Variants in PGCKA1 observed in about 807,000 individuals in gnomAD.
PGCKA1 encodes PDCD10 and GCKIII kinases-associated protein 1.
chr4:37,579,985 T>A, the PGCKA1 span, among the ~76,000 whole-genome samples: 1 of 152,324 alleles, frequency 6.6e-6, no homozygotes, highest in South Asian at 2.1e-4. Flanking sequence ...TTCTGTGTCC[T>A]CTGAATATAT....
At chr4:37,528,243 A>G in the PGCKA1 span, among the ~76,000 whole-genome samples, 1 of 152,206 alleles carries the variant, frequency 6.6e-6, no homozygotes, top group Non-Finnish European at 1.5e-5. Flanking sequence ...GCTTTGACTC[A>G]GGGATTTTGT....
chr4:37,548,332 A>G, the PGCKA1 span, among the ~76,000 whole-genome samples: 1 of 152,176 alleles, frequency 6.6e-6, no homozygotes, highest in Non-Finnish European at 1.5e-5. Context: ...GTGGATTTTT[A>G]CCTACATTAA....
the PGCKA1 span, among the ~76,000 whole-genome samples, chr4:37,575,877 C>CT: frequency 1.4e-4 from 22 of 152,058 alleles, no homozygotes; most frequent in Non-Finnish European, 7.4e-5. Context: ...AGTGTATGTT[C>CT]TTGGTTCCTT....
the PGCKA1 span, among the ~76,000 whole-genome samples, chr4:37,570,958 A>G: frequency 6.6e-6 from 1 of 152,296 alleles, no homozygotes; most frequent in African/African-American, 2.4e-5. Context: ...ATGAGATTTG[A>G]TTGTGGAAAA....
At chr4:37,465,136 T>C in the PGCKA1 span, among the ~76,000 whole-genome samples, 1 of 152,216 alleles carries the variant, frequency 6.6e-6, no homozygotes, top group Non-Finnish European at 1.5e-5. Context: ...TATTCTCCAT[T>C]CTTCATTTTG....
chr4:37,490,799 C>T, the PGCKA1 span, among the ~76,000 whole-genome samples: 17 of 152,258 alleles, frequency 1.1e-4, no homozygotes, highest in African/African-American at 3.8e-4. Context: ...TCAGGGGACT[C>T]TACTCCCAGT....
the PGCKA1 span, among the ~76,000 whole-genome samples, chr4:37,568,708 G>A: frequency 8.5e-5 from 13 of 152,324 alleles, no homozygotes; most frequent in African/African-American, 1.4e-4. Context: ...CGTGCAGCAC[G>A]GAAGTACTGA....
At chr4:37,578,646 C>T in the PGCKA1 span, among the ~76,000 whole-genome samples, 1 of 151,920 alleles carries the variant, frequency 6.6e-6, no homozygotes, top group Non-Finnish European at 1.5e-5. Flanking sequence ...TTCTGTCTTC[C>T]TTCTAATGTA....
At chr4:37,558,406 C>CCTCAGAA in the PGCKA1 span, among the ~76,000 whole-genome samples, 2 of 152,132 alleles carry the variant, frequency 1.3e-5, no homozygotes, top group Non-Finnish European at 2.9e-5. Context: ...AATGTCCATG[C>CCTCAGAA]CTCAGAACAG....
chr4:37,552,583 A>C, the PGCKA1 span, among the ~76,000 whole-genome samples: 8 of 152,254 alleles, frequency 5.3e-5, no homozygotes, highest in African/African-American at 1.7e-4. Flanking sequence ...AACCAGGGGC[A>C]GTAGAAATTA....
the PGCKA1 span, among the ~76,000 whole-genome samples, chr4:37,513,542 C>T: frequency 6.6e-6 from 1 of 152,186 alleles, no homozygotes; most frequent in Admixed American, 6.5e-5. Context: ...TGGGGCCCCA[C>T]CCTTATAACC....
chr4:37,549,073 G>A, the PGCKA1 span, among the ~76,000 whole-genome samples: 5 of 152,156 alleles, frequency 3.3e-5, no homozygotes, highest in African/African-American at 1.2e-4. Flanking sequence ...CAGACCCGAG[G>A]GCCATCCAGC....
At chr4:37,485,845 TAGC>T in the PGCKA1 span, among the ~76,000 whole-genome samples, 1 of 152,134 alleles carries the variant, frequency 6.6e-6, no homozygotes, top group African/African-American at 2.4e-5. Flanking sequence ...CCTGTCCTAA[TAGC>T]AGGACAGGGA....
At chr4:37,537,362 T>C in the PGCKA1 span, among the ~76,000 whole-genome samples, 1 of 152,204 alleles carries the variant, frequency 6.6e-6, no homozygotes, top group Non-Finnish European at 1.5e-5. Context: ...GTGCTTGTGT[T>C]TGAGGCTGTC....
chr4:37,564,309 T>C, the PGCKA1 span, among the ~76,000 whole-genome samples: 2 of 149,272 alleles, frequency 1.3e-5, no homozygotes, highest in Non-Finnish European at 3.0e-5. Context: ...AAAAACCGAA[T>C]ATTCTCGCAG....
chr4:37,456,985 A>C, the PGCKA1 span, among the ~76,000 whole-genome samples: 1 of 152,238 alleles, frequency 6.6e-6, no homozygotes, highest in Non-Finnish European at 1.5e-5. Flanking sequence ...TCATTTCAAA[A>C]TACATTTTCT....
At chr4:37,477,330 A>G in the PGCKA1 span, among the ~76,000 whole-genome samples, 5,095 of 152,290 alleles carry the variant, frequency 0.033, 306 homozygotes, top group African/African-American at 0.12. Flanking sequence ...ATTTATATGC[A>G]AGGTCAAGAT....
the PGCKA1 span, among the ~76,000 whole-genome samples, chr4:37,500,211 A>G: frequency 1.3e-5 from 2 of 152,168 alleles, no homozygotes; most frequent in Non-Finnish European, 2.9e-5. Context: ...GGTGTGAGCC[A>G]CCGTGCCCAG....
the PGCKA1 span, among the ~76,000 whole-genome samples, chr4:37,548,555 T>A: frequency 1.3e-5 from 2 of 151,796 alleles, no homozygotes; most frequent in Admixed American, 1.3e-4. Context: ...AAAAAAAGAG[T>A]CTATAAAATC....
Sources: gnomAD v4.1 joint callset for allele counts (sites outside exome capture counted in the v4.1 genomes callset) on GRCh38, gnomAD v4.1.1 for gene constraint, MANE v1.5 for transcripts, NCBI Gene and HGNC (gene_info 2026-07-23, HGNC 2026-07-21) for gene names.